Variants in ABHD2 observed in about 807,000 individuals in gnomAD.
The protein encoded by ABHD2 is monoacylglycerol lipase ABHD2.
A neutral mutation model predicts 48.1 loss-of-function variants in ABHD2; 20 were observed. The ratio of observed to expected loss-of-function variants is 0.42; its 90% CI spans 0.29 to 0.60. The LOEUF (loss-of-function observed/expected upper bound fraction) is 0.60. Ranked by LOEUF, ABHD2 falls within the 20% of genes least tolerant of loss-of-function variation. The pLI, the probability that ABHD2 is intolerant of heterozygous loss-of-function variation, is 0.24. For synonymous variants in ABHD2, 209 were observed against 214.2 expected, an observed-to-expected ratio of 0.98 and a Z score of 0.21; for missense variants, 405 against 550.9, an observed-to-expected ratio of 0.74 and a Z score of 2.65.
rs2051242383 is a variant in ABHD2 at position 89,188,134 on chromosome 15, A to G, written c.816-59A>G. On this transcript the variant is annotated intron_variant, in intron 7 of 10. Transcript: ENST00000352732. This position sits in a 1 kb window ranked among gnomAD's most constrained non-coding sequence, Gnocchi z 4.1. ...GCTTGCTGTGGCAAGGAAGCAGGCTATGCCATGGTTGTTCATCCTCCACAT... is the reference window on the plus strand; with the variant it reads ...GCTTGCTGTGGCAAGGAAGCAGGCTGTGCCATGGTTGTTCATCCTCCACAT... 4.9e-6 allele frequency: 7 copies of G among 1,433,994 alleles called. No individual in the cohort carries two copies. The highest frequency in any genetic ancestry group is 1.7e-5 in the Admixed American group (1 of 59,216). The allele number at this position is 1,433,994 out of a possible 1,614,324, so 88.8% of individuals were successfully genotyped here. A position where few individuals can be genotyped will look rare whatever the true frequency, so the allele number is the denominator to read the frequency against.
chr15:89,083,959 G>A (rs146878354), upstream of ABHD2, among the ~76,000 whole-genome samples: 21 of 152,080 alleles, frequency 1.4e-4, no homozygotes, highest in African/African-American at 5.1e-4. The surrounding 1 kb of genome is among the most constrained non-coding windows in gnomAD (Gnocchi z 5.1). Context: ...AGACTGCACC[G>A]GCTGTGACAA....
Position 89,185,650 on chromosome 15 carries a change from C to T in ABHD2, c.815+134C>T, listed in dbSNP as rs2051195272. The T allele has an allele frequency of 6.3e-6, 5 of 791,532 alleles. No individual in the cohort carries two copies. The Admixed American group carries it at 8.0e-5, about 13-fold the overall frequency. 49.0% of individuals were successfully genotyped at this position (791,532 alleles called of 1,614,324 possible). A position where few individuals can be genotyped will look rare whatever the true frequency, so the allele number is the denominator to read the frequency against. The stretch of plus-strand genomic sequence containing the variant: ...CAGGTGTGGTACAGACTCTCTGCTG[C>T]CTGCATTTGTGACTTGATTAGAAAC... On this transcript the variant is annotated intron_variant, in intron 7 of 10. Transcript: ENST00000352732. This position sits in a 1 kb window ranked among gnomAD's most constrained non-coding sequence, Gnocchi z 5.9.
At position 89,201,323 on chromosome 15, in the gene ABHD2, G is replaced by A; in HGVS notation, c.*5900G>A. 9.4e-7 allele frequency: 1 copy of A among 1,059,862 alleles called. No homozygotes were observed. The highest frequency in any genetic ancestry group is 1.4e-6 in the Non-Finnish European group (1 of 690,650). 65.7% of individuals were successfully genotyped at this position (1,059,862 alleles called of 1,614,324 possible). Reference sequence around the variant, plus strand: ...TTTCCTTGTTTCAGTATCATGAAGTGAAGCACTGTGTGGTTGTGGCGTGGG... The same window carrying A: ...TTTCCTTGTTTCAGTATCATGAAGTAAAGCACTGTGTGGTTGTGGCGTGGG... On this transcript the variant is annotated 3_prime_UTR_variant, in exon 11 of 11. Transcript: ENST00000352732.
At chr15:89,057,076 G>A in the ABHD2 span, among the ~76,000 whole-genome samples, 4 of 152,036 alleles carry the variant, frequency 2.6e-5, no homozygotes, top group African/African-American at 7.2e-5. Flanking sequence ...ACCACGCCCG[G>A]CTAATTTTTT....
rs1303342101 is a variant in ABHD2, at chr15:89,196,846, A to T, written c.*1423A>T. 1.3e-5 allele frequency: 2 copies of T among 152,654 alleles called. No individual in the cohort carries two copies. Among genetic ancestry groups the T allele is most frequent in the African/African-American group, 4.8e-5 (2 of 41,462 alleles). 9.5% of individuals were successfully genotyped at this position (152,654 alleles called of 1,614,324 possible). A position where few individuals can be genotyped will look rare whatever the true frequency, so the allele number is the denominator to read the frequency against. On this transcript the variant is annotated 3_prime_UTR_variant, in exon 11 of 11. Transcript: ENST00000352732. ...AAGTGAAAACGCAACTCTAGGTTTC[A>T]AGTACTCCTTTTCTCCGATCCTGTG...
At chr15:89,187,953 T>A (rs1173737401) in intron 7 of ABHD2, among the ~76,000 whole-genome samples, 1 of 152,218 alleles carries the variant, frequency 6.6e-6, no homozygotes, top group Non-Finnish European at 1.5e-5. Context: ...GAAGGTTTTT[T>A]AATATTCAAC....
chr15:89,067,038 G>T, the ABHD2 span, among the ~76,000 whole-genome samples: 1 of 152,208 alleles, frequency 6.6e-6, no homozygotes. Context: ...TGAGGAAGGA[G>T]ATGTGAATTG....
At chr15:89,147,993 C>T (rs1052404072) in intron 3 of ABHD2, among the ~76,000 whole-genome samples, 2 of 151,242 alleles carry the variant, frequency 1.3e-5, no homozygotes, top group Non-Finnish European at 2.9e-5. Flanking sequence ...GACATGCGTG[C>T]CTGTAATCTG....
chr15:89,043,864 C>T, the ABHD2 span, among the ~76,000 whole-genome samples: 10 of 149,474 alleles, frequency 6.7e-5, no homozygotes, highest in African/African-American at 2.4e-4. Flanking sequence ...TTCCCCTCCT[C>T]TTTGTATTTT....
At position 89,188,114 on chromosome 15, in the gene ABHD2, C is replaced by CTG; in HGVS notation, c.816-76_816-75dup. On this transcript the variant is annotated intron_variant, in intron 7 of 10. Coordinates refer to ENST00000352732, the MANE Select transcript of ABHD2 (RefSeq NM_152924.5). The surrounding 1 kb of genome is among the most constrained non-coding windows in gnomAD (Gnocchi z 4.1). ...CACGTTGGCTCTCCCTCCTGGCTTG[C>CTG]TGTGGCAAGGAAGCAGGCTATGCCA... 1 of 1,274,988 alleles carries CTG rather than the reference C, an allele frequency of 7.8e-7. No homozygotes were observed. Among genetic ancestry groups the CTG allele is most frequent in the Non-Finnish European group, 1.1e-6 (1 of 880,726 alleles). 79.0% of individuals were successfully genotyped at this position (1,274,988 alleles called of 1,614,324 possible). A position where few individuals can be genotyped will look rare whatever the true frequency, so the allele number is the denominator to read the frequency against.
At chr15:89,148,741 A>G (rs1015169671) in intron 3 of ABHD2, among the ~76,000 whole-genome samples, 3 of 152,368 alleles carry the variant, frequency 2.0e-5, no homozygotes, top group African/African-American at 7.2e-5. Flanking sequence ...CAAGGAGGGA[A>G]TCTAGCTCCC....
At chr15:89,043,454 G>GAGAAGGAGA in the ABHD2 span, among the ~76,000 whole-genome samples, 1 of 143,796 alleles carries the variant, frequency 7.0e-6, no homozygotes, top group South Asian at 2.2e-4. Context: ...GAAGGAGGAG[G>GAGAAGGAGA]AGGAGAAGGA....
intron 7 of ABHD2, among the ~76,000 whole-genome samples, chr15:89,187,075 C>G (rs567313477): frequency 2.6e-5 from 4 of 152,302 alleles, no homozygotes; most frequent in African/African-American, 9.6e-5. Flanking sequence ...TTGAATGGGT[C>G]TGGAGATTGC....
At position 89,155,701 on chromosome 15, in the gene ABHD2, A is replaced by G. The variant is rs1201746826; in HGVS notation, c.538+167A>G. Among the ~76,000 whole-genome samples the G allele has an allele frequency of 6.6e-6, 1 of 152,200 alleles. No individual in the cohort carries two copies. The highest frequency in any genetic ancestry group is 1.9e-4 in the East Asian group (1 of 5,204). On this transcript the variant is annotated intron_variant, in intron 5 of 10. Transcript: ENST00000352732. This position sits in a 1 kb window ranked among gnomAD's most constrained non-coding sequence, Gnocchi z 4.9. ...ACTTGTACTGGGCATTGATGATGCC[A>G]TGCCTCACACCAGCCTTTGAGATGG...
rs2050978216 is a variant in ABHD2, at chr15:89,174,449, T to G, written c.539-1363T>G. 6.6e-6 allele frequency among the ~76,000 whole-genome samples: 1 copy of G among 152,182 alleles called. No individual in the cohort carries two copies. Among genetic ancestry groups the G allele is most frequent in the South Asian group, 2.1e-4 (1 of 4,830 alleles). The stretch of plus-strand genomic sequence containing the variant: ...CATTTCTAACACCCTCTCCAGGTGA[T>G]TCTATGCACACTGCAGCTTAAGAAC... On this transcript the variant is annotated intron_variant, in intron 5 of 10. Coordinates refer to ENST00000352732, the MANE Select transcript of ABHD2 (RefSeq NM_152924.5). The surrounding 1 kb of genome is among the most constrained non-coding windows in gnomAD (Gnocchi z 4.1).
At chr15:89,043,407 C>T in the ABHD2 span, among the ~76,000 whole-genome samples, 2 of 149,484 alleles carry the variant, frequency 1.3e-5, no homozygotes, top group Admixed American at 6.8e-5. Context: ...GCCTGGGCAA[C>T]AGATCAAGAC....
rs543486647 is a variant in ABHD2, at chr15:89,167,060, G to C, written c.539-8752G>C. Among the ~76,000 whole-genome samples the C allele has an allele frequency of 1.3e-5, 2 of 152,160 alleles. No homozygotes were observed. The highest frequency in any genetic ancestry group is 2.9e-5 in the Non-Finnish European group (2 of 68,022). ...AGGACCCTCTTGGAGAGACTAGGAT[G>C]TAGGGTTACCTACCTTTAGCATGCT... On this transcript the variant is annotated intron_variant, in intron 5 of 10. Coordinates refer to ENST00000352732, the MANE Select transcript of ABHD2 (RefSeq NM_152924.5). This position sits in a 1 kb window ranked among gnomAD's most constrained non-coding sequence, Gnocchi z 5.5.
intron 3 of ABHD2, among the ~76,000 whole-genome samples, chr15:89,149,479 G>A (rs1364636179): frequency 6.6e-6 from 1 of 152,152 alleles, no homozygotes; most frequent in African/African-American, 2.4e-5. Flanking sequence ...TGTATGTCCA[G>A]TGCTCTGGGG....
At chr15:89,150,027 C>T (rs2050566132) in intron 3 of ABHD2, among the ~76,000 whole-genome samples, 1 of 152,172 alleles carries the variant, frequency 6.6e-6, no homozygotes, top group Non-Finnish European at 1.5e-5. Flanking sequence ...TCAGGACAGT[C>T]ACATGTGTCA....
Sources: allele counts gnomAD v4.1 joint callset (sites outside exome capture counted in the v4.1 genomes callset), GRCh38; gene constraint gnomAD v4.1.1; non-coding constraint Gnocchi (gnomAD v3.1); transcripts MANE v1.5; gene names NCBI Gene and HGNC (gene_info 2026-07-23, HGNC 2026-07-21).